The following CPA6 variants were observed in gnomAD, a reference collection of about 807,000 sequenced individuals.
CPA6 encodes carboxypeptidase A6.
In CPA6, 58 loss-of-function variants were observed where a neutral mutation model predicts 63.3. The ratio of observed to expected loss-of-function variants is 0.92; its 90% CI spans 0.74 to 1.14. The LOEUF (loss-of-function observed/expected upper bound fraction) is 1.14. Among genes scored for constraint, CPA6 ranks in the 50% most tolerant of loss-of-function variants. CPA6 has a pLI of 0.00. For synonymous variants in CPA6, 185 were observed against 179.0 expected, an observed-to-expected ratio of 1.03 and a Z score of -0.27; for missense variants, 565 against 526.6, an observed-to-expected ratio of 1.07 and a Z score of -0.71.
intron 1 of CPA6, among the ~76,000 whole-genome samples, chr8:67,701,749 T>G (rs1231713199): frequency 6.6e-6 from 1 of 152,230 alleles, no homozygotes; most frequent in African/African-American, 2.4e-5. Context: ...TGAAACTGGC[T>G]GGAACCAACC....
chr8:67,670,304 C>G (rs1816315402), intron 1 of CPA6, among the ~76,000 whole-genome samples: 4 of 152,120 alleles, frequency 2.6e-5, no homozygotes, highest in Admixed American at 2.6e-4. Context: ...CAGGTCTTAC[C>G]TGGCCAGAGC....
Position 67,440,821 on chromosome 8 carries a change from CATACAT to C in CPA6, c.839-6587_839-6582del, listed in dbSNP as rs577887358. Among the ~76,000 whole-genome samples, 18 of 152,186 alleles carry C rather than the reference CATACAT, an allele frequency of 1.2e-4. No individual in the cohort carries two copies. In the East Asian group the frequency reaches 3.3e-3, roughly 28 times the overall value. On this transcript the variant is annotated intron_variant, in intron 8 of 10. Coordinates refer to ENST00000297770, the MANE Select transcript of CPA6 (RefSeq NM_020361.5). ...TATTATAATCTTATGGGACCTCTGA[CATACAT>C]ACAATCACTGTTGACAAAAACATTG...
At chr8:67,668,886 G>C (rs1040990148) in intron 1 of CPA6, among the ~76,000 whole-genome samples, 3 of 152,166 alleles carry the variant, frequency 2.0e-5, no homozygotes, top group African/African-American at 4.8e-5. Context: ...AATCTTCCTG[G>C]GAGGAAGTTT....
At chr8:67,691,940 A>C (rs1050962051) in intron 1 of CPA6, among the ~76,000 whole-genome samples, 2 of 152,242 alleles carry the variant, frequency 1.3e-5, no homozygotes, top group African/African-American at 2.4e-5. Flanking sequence ...TTTCTGGTTG[A>C]TAGAGAATAA....
intron 2 of CPA6, among the ~76,000 whole-genome samples, chr8:67,541,117 G>T (rs1379869029): frequency 6.6e-6 from 1 of 152,020 alleles, no homozygotes; most frequent in East Asian, 1.9e-4. Flanking sequence ...AGCTAGCTTG[G>T]TGTCTGCCCA....
intron 2 of CPA6, among the ~76,000 whole-genome samples, chr8:67,534,234 G>A (rs56193402): frequency 0.058 from 8,794 of 152,122 alleles, 329 homozygotes; most frequent in East Asian, 0.15. Context: ...AAAAAATAAT[G>A]AATATGTCAT....
chr8:67,506,688 G>A, intron 6 of CPA6, 99 bp downstream of exon 6: 1 of 751,430 alleles, frequency 1.3e-6, no homozygotes. Context: ...TATTCAATCA[G>A]GTATCATTGG....
intron 2 of CPA6, among the ~76,000 whole-genome samples, chr8:67,533,149 C>T (rs1812514322): frequency 6.6e-6 from 1 of 152,132 alleles, no homozygotes; most frequent in African/African-American, 2.4e-5. Flanking sequence ...TTTAGCACAT[C>T]TGGAATGGGA....
At chr8:67,512,194 G>C (rs1387276732) in intron 3 of CPA6, among the ~76,000 whole-genome samples, 1 of 152,152 alleles carries the variant, frequency 6.6e-6, no homozygotes, top group Non-Finnish European at 1.5e-5. Flanking sequence ...TCTAAGTCCA[G>C]GGTCACTTCA....
intron 1 of CPA6, among the ~76,000 whole-genome samples, chr8:67,687,029 A>G (rs1426109937): frequency 6.6e-6 from 1 of 152,224 alleles, no homozygotes; most frequent in East Asian, 1.9e-4. Context: ...GCCTTCTCAA[A>G]GCCACCTGCA....
chr8:67,483,405 C>T, intron 8 of CPA6: 1 of 301,994 alleles, frequency 3.3e-6, no homozygotes. Context: ...AATGCAGCAT[C>T]AGTGGTGCTT....
At chr8:67,439,733 A>G (rs1251259006) in intron 8 of CPA6, among the ~76,000 whole-genome samples, 1 of 152,236 alleles carries the variant, frequency 6.6e-6, no homozygotes, top group African/African-American at 2.4e-5. Flanking sequence ...CTAATTGATC[A>G]AATGACTGAT....
chr8:67,590,591 G>A (rs1479446603), intron 2 of CPA6, among the ~76,000 whole-genome samples: 1 of 152,192 alleles, frequency 6.6e-6, no homozygotes, highest in Non-Finnish European at 1.5e-5. Context: ...TCTAACTGGT[G>A]TGAGATGGTA....
intron 8 of CPA6, among the ~76,000 whole-genome samples, chr8:67,475,867 C>CT (rs755060807): frequency 2.4e-5 from 2 of 83,336 alleles, no homozygotes; most frequent in Admixed American, 1.4e-4. Context: ...TTCTTTCTTT[C>CT]TTTCTTTCTT....
chr8:67,716,578 T>A (rs1270705927), intron 1 of CPA6, among the ~76,000 whole-genome samples: 4 of 152,220 alleles, frequency 2.6e-5, no homozygotes, highest in Non-Finnish European at 5.9e-5. Flanking sequence ...CAATCAGATA[T>A]GAATTTGTCA....
At chr8:67,541,618 G>A (rs977776920) in intron 2 of CPA6, among the ~76,000 whole-genome samples, 5 of 152,188 alleles carry the variant, frequency 3.3e-5, no homozygotes, top group Non-Finnish European at 7.3e-5. Context: ...GAGCTCGGTT[G>A]TTGGAGATGT....
At chr8:67,668,862 GAGA>G (rs1229716018) in intron 1 of CPA6, among the ~76,000 whole-genome samples, 2 of 152,190 alleles carry the variant, frequency 1.3e-5, no homozygotes, top group Non-Finnish European at 2.9e-5. Context: ...CAGCAAAGGA[GAGA>G]AGAACACCCA....
At chr8:67,726,098 CAA>C (rs1817591508) in intron 1 of CPA6, among the ~76,000 whole-genome samples, 1 of 152,022 alleles carries the variant, frequency 6.6e-6, no homozygotes, top group South Asian at 2.1e-4. Context: ...CTCATGAGAG[CAA>C]GACAGAGGCC....
chr8:67,661,617 A>G (rs985091245), intron 1 of CPA6, among the ~76,000 whole-genome samples: 2 of 152,222 alleles, frequency 1.3e-5, no homozygotes, highest in Non-Finnish European at 2.9e-5. Flanking sequence ...ATCTCAACTC[A>G]GAGACTGCTT....
Sources: allele counts gnomAD v4.1 joint callset (sites outside exome capture counted in the v4.1 genomes callset), GRCh38; gene constraint gnomAD v4.1.1; transcripts MANE v1.5; gene names NCBI Gene and HGNC (gene_info 2026-07-23, HGNC 2026-07-21).